Variants in SLC35F3 observed in about 807,000 individuals in gnomAD.
SLC35F3 encodes the protein solute carrier family 35 member F3, also known as putative thiamine transporter SLC35F3.
A neutral mutation model predicts 49.9 loss-of-function variants in SLC35F3; 25 were observed. The ratio of observed to expected loss-of-function variants is 0.50; its 90% CI spans 0.37 to 0.70. The LOEUF (loss-of-function observed/expected upper bound fraction) is 0.70. SLC35F3 is among the 30% of genes least tolerant of loss of function. The pLI, the probability that SLC35F3 is intolerant of heterozygous loss-of-function variation, is 0.00. For synonymous variants in SLC35F3, 275 were observed against 265.4 expected, an observed-to-expected ratio of 1.04 and a Z score of -0.35; for missense variants, 525 against 639.8, an observed-to-expected ratio of 0.82 and a Z score of 1.94.
chr1:234,305,485 C>T (rs950840363), intron 3 of SLC35F3, among the ~76,000 whole-genome samples: 20 of 150,648 alleles, frequency 1.3e-4, no homozygotes, highest in African/African-American at 3.9e-4. Context: ...CAGGTTCAAG[C>T]GATTCCCCTC....
At chr1:234,012,157 C>G (rs1663731597) in intron 2 of SLC35F3, among the ~76,000 whole-genome samples, 1 of 152,230 alleles carries the variant, frequency 6.6e-6, no homozygotes, top group African/African-American at 2.4e-5. Flanking sequence ...TTATATTTCT[C>G]TCTGCCCAAA....
At chr1:233,987,284 A>G (rs1355793929) in intron 2 of SLC35F3, among the ~76,000 whole-genome samples, 1 of 152,166 alleles carries the variant, frequency 6.6e-6, no homozygotes, top group Non-Finnish European at 1.5e-5. Context: ...GTGAGACTCC[A>G]TCTCAAAAAG....
chr1:234,003,748 C>T (rs1663587540), intron 2 of SLC35F3, among the ~76,000 whole-genome samples: 1 of 152,104 alleles, frequency 6.6e-6, no homozygotes, highest in Admixed American at 6.5e-5. Flanking sequence ...ACGGAATGAA[C>T]TCCTACACAT....
intron 2 of SLC35F3, among the ~76,000 whole-genome samples, chr1:233,972,984 A>G (rs1663019848): frequency 6.6e-6 from 1 of 152,226 alleles, no homozygotes; most frequent in Non-Finnish European, 1.5e-5. Context: ...CACTGTGACT[A>G]AAAGAGGAGC....
At chr1:234,065,438 C>T (rs953716215) in intron 2 of SLC35F3, among the ~76,000 whole-genome samples, 10 of 152,186 alleles carry the variant, frequency 6.6e-5, no homozygotes, top group Admixed American at 5.9e-4. Context: ...TGAGCCACCG[C>T]GCCAGGCCCA....
chr1:234,145,015 A>G (rs1665976170), intron 2 of SLC35F3, among the ~76,000 whole-genome samples: 1 of 152,156 alleles, frequency 6.6e-6, no homozygotes, highest in Non-Finnish European at 1.5e-5. Context: ...TGTGATATTC[A>G]CTGTGTTCTT....
intron 2 of SLC35F3, among the ~76,000 whole-genome samples, chr1:234,083,852 T>G (rs1320797245): frequency 2.6e-5 from 4 of 151,638 alleles, no homozygotes; most frequent in Non-Finnish European, 5.9e-5. Context: ...TTTTTTTTTT[T>G]TTGAGATGGA....
At chr1:234,052,070 A>T (rs9435547) in intron 2 of SLC35F3, among the ~76,000 whole-genome samples, 2,876 of 152,204 alleles carry the variant, frequency 0.019, 99 homozygotes, top group African/African-American at 0.066. Context: ...TTTTGCATGG[A>T]TGTTCATCAG....
intron 2 of SLC35F3, among the ~76,000 whole-genome samples, chr1:234,023,668 A>G (rs1401580410): frequency 6.6e-6 from 1 of 152,052 alleles, no homozygotes; most frequent in African/African-American, 2.4e-5. Context: ...CAGTGGAGAA[A>G]CCTGGGCAAT....
chr1:233,978,334 A>T (rs995379555), intron 2 of SLC35F3, among the ~76,000 whole-genome samples: 1 of 152,232 alleles, frequency 6.6e-6, no homozygotes, highest in Non-Finnish European at 1.5e-5. Flanking sequence ...CATGAACGTG[A>T]TTCAATTGCA....
chr1:234,198,166 C>A lies in SLC35F3; in HGVS notation c.284-33251C>A, dbSNP rs375036814. On this transcript the variant is annotated intron_variant, in intron 2 of 7. Coordinates refer to ENST00000366618, the MANE Select transcript of SLC35F3 (RefSeq NM_173508.4). ...AGTGAACAGGTGTTCTTGATTAGCA[C>A]CTTTTGCTCAGGTAAGAAATGATTT... 1.1e-4 allele frequency among the ~76,000 whole-genome samples: 17 copies of A among 152,316 alleles called. No individual in the cohort carries two copies. The South Asian group carries it at 3.5e-3, about 32-fold the overall frequency.
At chr1:234,308,750 C>G (rs1439291609) in intron 3 of SLC35F3, among the ~76,000 whole-genome samples, 3 of 151,014 alleles carry the variant, frequency 2.0e-5, no homozygotes, top group African/African-American at 7.3e-5. Context: ...GGTTTAGTGA[C>G]CCCCTTCTCT....
chr1:233,999,653 T>G (rs929909961), intron 2 of SLC35F3, among the ~76,000 whole-genome samples: 1 of 152,116 alleles, frequency 6.6e-6, no homozygotes, highest in Non-Finnish European at 1.5e-5. Context: ...CTACTGAGAC[T>G]CTATCCCCCA....
intron 3 of SLC35F3, among the ~76,000 whole-genome samples, chr1:234,278,143 C>T (rs182947592): frequency 1.1e-4 from 17 of 151,800 alleles, no homozygotes; most frequent in African/African-American, 3.6e-4. Context: ...CAGTGAGCCA[C>T]GATCACGCCA....
In SLC35F3 at chr1:233,939,296, A is replaced by G. The variant is rs562104089; in HGVS notation, c.283+33538A>G. On this transcript the variant is annotated intron_variant, in intron 2 of 7. Coordinates refer to ENST00000366618, the MANE Select transcript of SLC35F3 (RefSeq NM_173508.4). ...ACAACACCCTGTCTGTGCAAAAAAA[A>G]TTTAAAAAATTGGTTGGGTATGGAA... Among the ~76,000 whole-genome samples, 15 of 152,098 alleles carry G rather than the reference A, an allele frequency of 9.9e-5. 1 individual carries two copies. The highest frequency in any genetic ancestry group is 4.1e-4 in the South Asian group (2 of 4,826).
intron 2 of SLC35F3, among the ~76,000 whole-genome samples, chr1:234,008,638 T>C (rs1469892824): frequency 6.6e-6 from 1 of 152,222 alleles, no homozygotes; most frequent in Non-Finnish European, 1.5e-5. Flanking sequence ...ATGTTATACT[T>C]CATTAAACAG....
chr1:234,303,420 T>C (rs1668723635), intron 3 of SLC35F3, among the ~76,000 whole-genome samples: 1 of 152,254 alleles, frequency 6.6e-6, no homozygotes, highest in Non-Finnish European at 1.5e-5. Context: ...ACCCTGTTGA[T>C]GCTGGGACCC....
At chr1:234,178,461 G>GAAAAAAA (rs35770557) in intron 2 of SLC35F3, among the ~76,000 whole-genome samples, 2 of 140,982 alleles carry the variant, frequency 1.4e-5, no homozygotes, top group Non-Finnish European at 1.5e-5. Flanking sequence ...CTCTCCTAAG[G>GAAAAAAA]AAAAAAAAAA....
chr1:234,155,735 G>T (rs1423489975), intron 2 of SLC35F3, among the ~76,000 whole-genome samples: 1 of 149,742 alleles, frequency 6.7e-6, no homozygotes, highest in East Asian at 2.0e-4. Context: ...GGAAAGGATG[G>T]ATTATTCAAA....
Sources: allele counts gnomAD v4.1 joint callset (sites outside exome capture counted in the v4.1 genomes callset), GRCh38; gene constraint gnomAD v4.1.1; transcripts MANE v1.5; gene names NCBI Gene and HGNC (gene_info 2026-07-23, HGNC 2026-07-21).